EYS: variants seen among roughly 807,000 people sequenced by gnomAD.
EYS encodes protein eyes shut homolog.
Under a neutral mutation model 282.1 loss-of-function variants are expected in EYS, and 250 were observed. The ratio of observed to expected loss-of-function variants is 0.89; its 90% confidence interval spans 0.80 to 0.98. The LOEUF (loss-of-function observed/expected upper bound fraction) is 0.98. Ranked by LOEUF, EYS falls within the 50% of genes least tolerant of loss-of-function variation. The pLI is 0.00. For synonymous variants in EYS, 1,355 were observed against 1,282.9 expected, an observed-to-expected ratio of 1.06 and a Z score of -1.20; for missense variants, 4,016 against 3,709.0, an observed-to-expected ratio of 1.08 and a Z score of -2.15.
chr6:64,457,794 T>TC (rs34974997), intron 26 of EYS, among the ~76,000 whole-genome samples: 5 of 148,936 alleles, frequency 3.4e-5, no homozygotes, highest in East Asian at 2.0e-4. Flanking sequence ...TCATTTTTTT[T>TC]CCCCCCCATT....
Position 65,034,494 on chromosome 6 carries a change from G to C in EYS, c.2137+23120C>G, listed in dbSNP as rs896021650. Among the ~76,000 whole-genome samples, 3 of 152,044 alleles carry C rather than the reference G, an allele frequency of 2.0e-5. No homozygotes were observed. In the East Asian group the frequency reaches 5.8e-4, roughly 29 times the overall value. On this transcript the variant is annotated intron_variant, in intron 13 of 42. Coordinates refer to ENST00000503581, the MANE Select transcript of EYS (RefSeq NM_001142800.2). ...CATGGGAGCAGATCCCTCATGGCTTGTTTTGTCTTTACTATAGTAAGTGAG... is the reference window on the plus strand; with the variant it reads ...CATGGGAGCAGATCCCTCATGGCTTCTTTTGTCTTTACTATAGTAAGTGAG...
At chr6:64,193,134 A>C (rs756597524) in intron 31 of EYS, among the ~76,000 whole-genome samples, 1 of 152,228 alleles carries the variant, frequency 6.6e-6, no homozygotes, top group Non-Finnish European at 1.5e-5. Context: ...TAAATTTTAG[A>C]ATCAGCTTGT....
chr6:64,057,378 G>GTT (rs75532003), intron 33 of EYS, among the ~76,000 whole-genome samples: 5 of 114,678 alleles, frequency 4.4e-5, no homozygotes, highest in African/African-American at 8.6e-5. Flanking sequence ...ATAAAGTAAG[G>GTT]TTTTTTTTTT....
chr6:64,186,439 A>G (rs1374349513), intron 31 of EYS, among the ~76,000 whole-genome samples: 3 of 152,288 alleles, frequency 2.0e-5, no homozygotes, highest in South Asian at 2.1e-4. Flanking sequence ...ATTTATTATC[A>G]GAGCAGATGT....
chr6:65,617,137 G>C (rs973299), intron 2 of EYS, among the ~76,000 whole-genome samples: 1 of 152,046 alleles, frequency 6.6e-6, no homozygotes, highest in Non-Finnish European at 1.5e-5. Flanking sequence ...TGTTTCTGCA[G>C]ATATTCATTA....
intron 12 of EYS, among the ~76,000 whole-genome samples, chr6:65,254,113 A>G (rs1767397841): frequency 6.6e-6 from 1 of 151,852 alleles, no homozygotes; most frequent in Non-Finnish European, 1.5e-5. Context: ...CATAGCATTT[A>G]TTTTGATACA....
intron 19 of EYS, among the ~76,000 whole-genome samples, chr6:64,850,838 A>T (rs896546588): frequency 5.9e-5 from 9 of 152,100 alleles, no homozygotes; most frequent in African/African-American, 2.2e-4. Flanking sequence ...GTGGTAATAG[A>T]GATAGACATG....
chr6:64,508,672 C>A (rs1427832839), intron 26 of EYS, among the ~76,000 whole-genome samples: 1 of 151,158 alleles, frequency 6.6e-6, no homozygotes, highest in African/African-American at 2.4e-5. Context: ...CAGGACTCTC[C>A]TATGCTCTTA....
chr6:65,579,798 A>T (rs1018890341), intron 2 of EYS, among the ~76,000 whole-genome samples: 5 of 152,086 alleles, frequency 3.3e-5, no homozygotes, highest in African/African-American at 1.2e-4. Flanking sequence ...GCAACATATG[A>T]ATTTTGAGAG....
At chr6:64,747,153 A>G (rs1327250014) in intron 22 of EYS, among the ~76,000 whole-genome samples, 1 of 152,242 alleles carries the variant, frequency 6.6e-6, no homozygotes, top group Non-Finnish European at 1.5e-5. Context: ...GATGAAAAGC[A>G]AGTAAAACTA....
intron 1 of EYS, among the ~76,000 whole-genome samples, chr6:65,641,703 T>C (rs1767282028): frequency 1.3e-5 from 2 of 152,254 alleles, no homozygotes; most frequent in Admixed American, 6.5e-5. Flanking sequence ...TATAATTAGC[T>C]ATGAGGTCTA....
intron 22 of EYS, among the ~76,000 whole-genome samples, chr6:64,711,029 A>G (rs1771195972): frequency 6.6e-6 from 1 of 152,200 alleles, no homozygotes; most frequent in African/African-American, 2.4e-5. Context: ...CGTAAGACAG[A>G]GCTACGGAGA....
intron 22 of EYS, among the ~76,000 whole-genome samples, chr6:64,676,445 A>G (rs2349510): frequency 0.95 from 143,612 of 150,890 alleles, 68,741 homozygotes; most frequent in East Asian, 1. Flanking sequence ...TACGTTTCTG[A>G]CCTCACTTTT....
chr6:65,327,470 T>C (rs1342617822), intron 11 of EYS, among the ~76,000 whole-genome samples: 1 of 151,682 alleles, frequency 6.6e-6, no homozygotes, highest in Non-Finnish European at 1.5e-5. Context: ...GAAATATTTG[T>C]CTGCTTTTGA....
chr6:64,395,717 G>A (rs1773342797), intron 28 of EYS, among the ~76,000 whole-genome samples: 1 of 151,006 alleles, frequency 6.6e-6, no homozygotes, highest in Non-Finnish European at 1.5e-5. Flanking sequence ...GCACCAGCAT[G>A]GCACATGTAT....
intron 21 of EYS, among the ~76,000 whole-genome samples, chr6:64,819,219 T>A (rs944556214): frequency 6.6e-6 from 1 of 152,152 alleles, no homozygotes; most frequent in African/African-American, 2.4e-5. Flanking sequence ...CATGTGGAGC[T>A]GGTCAGGTAG....
At chr6:63,792,592 AAT>A (rs963303022) in intron 37 of EYS, among the ~76,000 whole-genome samples, 1 of 150,526 alleles carries the variant, frequency 6.6e-6, no homozygotes, top group Non-Finnish European at 1.5e-5. Flanking sequence ...GTATAATAAA[AAT>A]ATATATATAT....
At chr6:64,312,968 C>T (rs557882960) in intron 29 of EYS, among the ~76,000 whole-genome samples, 2 of 64,172 alleles carry the variant, frequency 3.1e-5, no homozygotes, top group African/African-American at 8.3e-5. Context: ...ACCAGAATGC[C>T]TCTTCTTCTC....
chr6:63,857,405 C>T (rs1377610967), intron 36 of EYS: 1 of 164,774 alleles, frequency 6.1e-6, no homozygotes, highest in Admixed American at 6.1e-5. Context: ...CACGTACAAT[C>T]AAGAGTGCAC....
Sources: gnomAD v4.1 joint callset for allele counts (sites outside exome capture counted in the v4.1 genomes callset) on GRCh38, gnomAD v4.1.1 for gene constraint, MANE v1.5 for transcripts, NCBI Gene and HGNC (gene_info 2026-07-23, HGNC 2026-07-21) for gene names.